Variants in AFF1 observed in about 807,000 individuals in gnomAD.
AFF1 encodes ALF transcription elongation factor 1.
A neutral mutation model predicts 121.7 loss-of-function variants in AFF1; 48 were observed. The ratio of observed to expected loss-of-function variants is 0.39; its 90% CI spans 0.31 to 0.50. AFF1 has a LOEUF of 0.50. AFF1 is among the 20% of genes least tolerant of loss of function. The probability of loss-of-function intolerance (pLI) is 0.76; values close to 1 mark genes in which losing one functional copy is unlikely to be tolerated. For synonymous variants in AFF1, 613 were observed against 563.0 expected, an observed-to-expected ratio of 1.09 and a Z score of -1.26; for missense variants, 1,523 against 1,511.7, an observed-to-expected ratio of 1.01 and a Z score of -0.12.
In AFF1 at chr4:86,975,687, G is replaced by A. The variant is rs189338257; in HGVS notation, c.38+27116G>A. On this transcript the variant is annotated intron_variant, in intron 2 of 20. Transcript: ENST00000395146. ...CCAAGGAACTAATACAAGGATGCAG[G>A]TATATAAACACTTAATACTACCTCC... 2.6e-3 allele frequency among the ~76,000 whole-genome samples: 389 copies of A among 152,212 alleles called. 1 individual carries two copies. The highest frequency in any genetic ancestry group is 9.1e-3 in the African/African-American group (377 of 41,524).
chr4:86,945,692 G>A (rs1720810908), intron 1 of AFF1, among the ~76,000 whole-genome samples: 1 of 151,750 alleles, frequency 6.6e-6, no homozygotes, highest in Admixed American at 6.6e-5. Context: ...TAGAGACAAG[G>A]TGTCACTGTG....
Position 87,108,264 on chromosome 4 carries a change from C to A in AFF1, c.1482C>A (p.Ser494Arg). Reference sequence around the variant, plus strand: ...GTTCCTCAGACTCAGAGAGCGAGAGCAGTTCAAGTGACAGCGAAGAAAATG... The same window carrying A: ...GTTCCTCAGACTCAGAGAGCGAGAGAAGTTCAAGTGACAGCGAAGAAAATG... The part of the protein sequence containing the change: ...SDSSSDSESE[S>R]SSSDSEENEP... The change falls in exon 11 of 21, where the codon AGC becomes AGA. Residue 494 changes from serine to arginine, a missense_variant. By Grantham distance (110) the Ser-to-Arg change is moderately radical (BLOSUM62 -1). Transcript: ENST00000395146. 6.2e-7 allele frequency: 1 copy of A among 1,614,044 alleles called. No homozygotes were observed. Among genetic ancestry groups the A allele is most frequent in the Non-Finnish European group, 8.5e-7 (1 of 1,179,986 alleles).
intron 12 of AFF1, among the ~76,000 whole-genome samples, chr4:87,124,052 G>A (rs546952027): frequency 2.6e-5 from 4 of 152,304 alleles, no homozygotes; most frequent in South Asian, 2.1e-4. Flanking sequence ...GAAGGAGGCC[G>A]TCAGGGAGTC....
At chr4:87,092,806 G>C (rs1724451383) in intron 7 of AFF1, among the ~76,000 whole-genome samples, 1 of 152,188 alleles carries the variant, frequency 6.6e-6, no homozygotes, top group Admixed American at 6.5e-5. Context: ...TGAGTAGCTA[G>C]GTAAAATTAA....
intron 4 of AFF1, among the ~76,000 whole-genome samples, chr4:87,060,835 CAAAAAAAAAAAAAAA>C (rs749186199): frequency 2.1e-4 from 13 of 62,300 alleles, no homozygotes; most frequent in East Asian, 5.3e-4. Context: ...GACTCTGTCT[CAAAAAAAAAAAAAAA>C]AAAAAAAAAA....
chr4:87,084,557 TAAATAAATA>T (rs1211929172), intron 5 of AFF1, among the ~76,000 whole-genome samples: 1 of 36,362 alleles, frequency 2.8e-5, no homozygotes, highest in African/African-American at 1.2e-4. Context: ...CTCCAATAAA[TAAATAAATA>T]AATAAATAAA....
At chr4:87,075,227 G>T (rs920702357) in intron 4 of AFF1, among the ~76,000 whole-genome samples, 1 of 152,028 alleles carries the variant, frequency 6.6e-6, no homozygotes. Context: ...TTAGGATTTA[G>T]TGGGTTTTTT....
intron 4 of AFF1, among the ~76,000 whole-genome samples, chr4:87,073,305 A>G (rs1722309197): frequency 1.1e-5 from 1 of 92,894 alleles, no homozygotes; most frequent in Non-Finnish European, 2.3e-5. Flanking sequence ...AAAAAAAAAA[A>G]AAAAAAAAAG....
At chr4:87,052,711 G>A (rs547873256) in intron 4 of AFF1, among the ~76,000 whole-genome samples, 1 of 152,014 alleles carries the variant, frequency 6.6e-6, no homozygotes, top group Non-Finnish European at 1.5e-5. Flanking sequence ...AGGGAGACCA[G>A]TTGGGAGATA....
intron 2 of AFF1, among the ~76,000 whole-genome samples, chr4:86,998,057 C>T (rs74996958): frequency 0.043 from 5,702 of 133,160 alleles, 189 homozygotes; most frequent in African/African-American, 0.1. Flanking sequence ...GAGATTGTGC[C>T]ATTGCACTCT....
intron 4 of AFF1, among the ~76,000 whole-genome samples, chr4:87,069,271 CTTTTTTT>C (rs753186809): frequency 2.0e-4 from 16 of 80,568 alleles, no homozygotes; most frequent in South Asian, 1.9e-3. Context: ...TGTGTGGCCT[CTTTTTTT>C]TTTTTTTTTT....
rs369208823 is a variant in AFF1, at chr4:86,959,635, G to C, written c.38+11064G>C. ...TTTCCTTGCTCTGCAGAAAATTGCA[G>C]AGTTGCCCTAAGGGAGGGACACCTA... On this transcript the variant is annotated intron_variant, in intron 2 of 20. Coordinates refer to ENST00000395146, the MANE Select transcript of AFF1 (RefSeq NM_001166693.3). Among the ~76,000 whole-genome samples, 13 of 152,230 alleles carry C rather than the reference G, an allele frequency of 8.5e-5. No homozygotes were observed. In the South Asian group the frequency reaches 2.5e-3, roughly 29 times the overall value.
chr4:86,988,013 C>T lies in AFF1; in HGVS notation c.38+39442C>T, dbSNP rs143079847. Among the ~76,000 whole-genome samples the T allele has an allele frequency of 8.1e-3, 1,233 of 151,296 alleles. 19 individuals are homozygous for T. Among genetic ancestry groups the T allele is most frequent in the African/African-American group, 0.029 (1,184 of 41,104 alleles). On this transcript the variant is annotated intron_variant, in intron 2 of 20. Coordinates refer to ENST00000395146, the MANE Select transcript of AFF1 (RefSeq NM_001166693.3). ...TGTTATTCCCGCCCACCCCCCAACC[C>T]CAGAGTTTCTGATTCAGTAGTTCTT...
intron 4 of AFF1, among the ~76,000 whole-genome samples, chr4:87,048,209 A>G (rs2149618417): frequency 6.6e-6 from 1 of 152,338 alleles, no homozygotes; most frequent in Non-Finnish European, 1.5e-5. Flanking sequence ...ATCACCTAAA[A>G]AAGAAGAGTG....
chr4:87,117,210 G>A (rs1727215008), intron 12 of AFF1, among the ~76,000 whole-genome samples: 1 of 152,222 alleles, frequency 6.6e-6, no homozygotes, highest in Non-Finnish European at 1.5e-5. Flanking sequence ...TTGACTGTGG[G>A]AACTGTGCCC....
chr4:86,950,271 C>T (rs745993997), intron 2 of AFF1, among the ~76,000 whole-genome samples: 6 of 152,128 alleles, frequency 3.9e-5, no homozygotes, highest in Non-Finnish European at 5.9e-5. Context: ...CTCTGCCTCC[C>T]GGGTTCAAGG....
At chr4:87,033,863 C>T (rs761516424) in intron 2 of AFF1, among the ~76,000 whole-genome samples, 2 of 152,032 alleles carry the variant, frequency 1.3e-5, no homozygotes, top group Non-Finnish European at 2.9e-5. Context: ...TATTGAGTCT[C>T]TGGATCTGTA....
chr4:86,958,468 A>G (rs1380989050), intron 2 of AFF1, among the ~76,000 whole-genome samples: 1 of 151,612 alleles, frequency 6.6e-6, no homozygotes, highest in Non-Finnish European at 1.5e-5. Context: ...CTGTAATTCC[A>G]GCATTTTGGG....
intron 4 of AFF1, among the ~76,000 whole-genome samples, chr4:87,081,217 A>G (rs1352840117): frequency 3.9e-5 from 5 of 129,118 alleles, no homozygotes; most frequent in Non-Finnish European, 7.7e-5. Flanking sequence ...GCTGGACTAC[A>G]GTGGCCCAAT....
Sources: allele counts gnomAD v4.1 joint callset (sites outside exome capture counted in the v4.1 genomes callset), GRCh38; gene constraint gnomAD v4.1.1; transcripts MANE v1.5; gene names NCBI Gene and HGNC (gene_info 2026-07-23, HGNC 2026-07-21).